The following RGS7 variants were observed in gnomAD, a reference collection of about 807,000 sequenced individuals.
The protein encoded by RGS7 is regulator of G-protein signaling 7.
A neutral mutation model predicts 81.1 loss-of-function variants in RGS7; 27 were observed. That is an observed-to-expected ratio of 0.33 (90% CI 0.25 to 0.46). The LOEUF is 0.46. Among genes scored for constraint, RGS7 ranks in the 20% least tolerant of loss-of-function variants. RGS7 has a pLI of 1.00. For synonymous variants in RGS7, 208 were observed against 207.7 expected (o/e 1.00, Z -0.01); for missense variants, 396 against 607.4 (o/e 0.65, Z 3.66).
At chr1:241,223,392 A>T (rs888841570) in intron 2 of RGS7, among the ~76,000 whole-genome samples, 2 of 152,222 alleles carry the variant, frequency 1.3e-5, no homozygotes, top group Non-Finnish European at 2.9e-5. Flanking sequence ...AAAATAAGTA[A>T]GAATCACACT....
chr1:240,855,097 C>A (rs1239221434), intron 9 of RGS7, among the ~76,000 whole-genome samples: 1 of 151,946 alleles, frequency 6.6e-6, no homozygotes, highest in African/African-American at 2.4e-5. Flanking sequence ...TAGTTACAAT[C>A]AATATTCAGT....
chr1:241,099,746 C>T (rs1020364301), intron 2 of RGS7, among the ~76,000 whole-genome samples: 2 of 152,184 alleles, frequency 1.3e-5, no homozygotes, highest in Admixed American at 6.5e-5. Flanking sequence ...ACTCATTCCA[C>T]AACCACTTAT....
chr1:241,207,452 T>C (rs2073989588), intron 2 of RGS7, among the ~76,000 whole-genome samples: 1 of 151,884 alleles, frequency 6.6e-6, no homozygotes, highest in Admixed American at 6.6e-5. Flanking sequence ...AGTGAAGGTT[T>C]ACTAAACACC....
chr1:241,073,489 G>C (rs1321651680), intron 3 of RGS7, among the ~76,000 whole-genome samples: 1 of 152,210 alleles, frequency 6.6e-6, no homozygotes, highest in Non-Finnish European at 1.5e-5. Context: ...AGATAAACTA[G>C]CTTGTTCAGC....
In RGS7 at chr1:240,962,935, G is replaced by A. The variant is rs939514651; in HGVS notation, c.226+20144C>T. ...AAGGGTTTTAAATATAAGCTAAAAC[G>A]CTTGTTTGAACATTATCCTGAGGAA... On this transcript the variant is annotated intron_variant, in intron 4 of 18. Coordinates refer to ENST00000440928, the MANE Select transcript of RGS7 (RefSeq NM_001364886.1). Among the ~76,000 whole-genome samples, 9 of 152,140 alleles carry A rather than the reference G, an allele frequency of 5.9e-5. 1 individual carries two copies. The highest frequency in any genetic ancestry group is 1.9e-4 in the East Asian group (1 of 5,190).
intron 6 of RGS7, among the ~76,000 whole-genome samples, chr1:240,871,945 T>C (rs1664562978): frequency 6.6e-6 from 1 of 152,170 alleles, no homozygotes; most frequent in Non-Finnish European, 1.5e-5. Context: ...GCCCATCTAA[T>C]CTTTATTATT....
At chr1:240,799,419 T>A (rs1318182000) in intron 18 of RGS7, among the ~76,000 whole-genome samples, 4 of 150,310 alleles carry the variant, frequency 2.7e-5, no homozygotes, top group African/African-American at 9.7e-5. Flanking sequence ...ATCCTGCAAA[T>A]TCAGTTAAAT....
intron 4 of RGS7, among the ~76,000 whole-genome samples, chr1:240,937,256 G>A (rs529559529): frequency 3.3e-5 from 5 of 152,154 alleles, no homozygotes; most frequent in East Asian, 1.9e-4. Flanking sequence ...GTGTGCTCTC[G>A]CAGTGGCCAG....
At chr1:240,882,327 C>G (rs71648623) in intron 6 of RGS7, among the ~76,000 whole-genome samples, 1 of 152,114 alleles carries the variant, frequency 6.6e-6, no homozygotes, top group Non-Finnish European at 1.5e-5. Context: ...AGAATTAGAC[C>G]TGTGAATTTC....
At chr1:241,300,341 G>A (rs1198709650) in intron 2 of RGS7, among the ~76,000 whole-genome samples, 2 of 152,126 alleles carry the variant, frequency 1.3e-5, no homozygotes, top group East Asian at 3.9e-4. Flanking sequence ...TATTCTATGG[G>A]TTTGGACAAA....
chr1:240,912,660 T>G (rs1200785030), intron 6 of RGS7, among the ~76,000 whole-genome samples: 3 of 152,072 alleles, frequency 2.0e-5, no homozygotes, highest in Non-Finnish European at 4.4e-5. Context: ...GTAATGAATT[T>G]CAAGGCTTCC....
At chr1:240,854,682 T>C (rs1660748577) in intron 9 of RGS7, among the ~76,000 whole-genome samples, 1 of 152,222 alleles carries the variant, frequency 6.6e-6, no homozygotes, top group African/African-American at 2.4e-5. Flanking sequence ...CAAAGCAGGC[T>C]AATCTTACTC....
intron 5 of RGS7, among the ~76,000 whole-genome samples, chr1:240,933,124 T>C (rs111859159): frequency 0.079 from 11,359 of 143,306 alleles, 555 homozygotes; most frequent in African/African-American, 0.12. Flanking sequence ...CCTCGTGATC[T>C]GCCCCCCTCG....
At chr1:240,785,721 T>C (rs12736879) in intron 18 of RGS7, among the ~76,000 whole-genome samples, 8,178 of 152,224 alleles carry the variant, frequency 0.054, 304 homozygotes, top group South Asian at 0.083. Flanking sequence ...GATTGACTAA[T>C]AGAATCAGAA....
intron 2 of RGS7, among the ~76,000 whole-genome samples, chr1:241,321,233 G>C (rs564900229): frequency 6.6e-6 from 1 of 152,168 alleles, no homozygotes; most frequent in East Asian, 1.9e-4. Flanking sequence ...CATTGTTGTG[G>C]ACTAACAAAG....
intron 2 of RGS7, among the ~76,000 whole-genome samples, chr1:241,352,205 G>C (rs1264236464): frequency 1.3e-5 from 2 of 152,160 alleles, no homozygotes; most frequent in African/African-American, 4.8e-5. Flanking sequence ...GTTTTGACTT[G>C]TCACCTCTAC....
chr1:241,239,258 C>A (rs181583512), intron 2 of RGS7, among the ~76,000 whole-genome samples: 1 of 152,180 alleles, frequency 6.6e-6, no homozygotes, highest in East Asian at 1.9e-4. Flanking sequence ...TGAGCCACCG[C>A]GCCCGGCCAT....
At chr1:241,044,741 T>C (rs2060824079) in intron 3 of RGS7, among the ~76,000 whole-genome samples, 1 of 152,148 alleles carries the variant, frequency 6.6e-6, no homozygotes. Context: ...CTTGTTTCTG[T>C]TGTTGTTTTG....
At position 240,981,092 on chromosome 1, in the gene RGS7, C is replaced by T. The variant is rs183955980; in HGVS notation, c.226+1987G>A. Among the ~76,000 whole-genome samples the T allele has an allele frequency of 2.7e-3, 410 of 151,958 alleles. 1 individual carries two copies. The highest frequency in any genetic ancestry group is 4.1e-3 in the Non-Finnish European group (280 of 67,934). Reference sequence around the variant, plus strand: ...TTCTTAGATTTTTACTGAACTACACCTTCAGGTTTTTTTTGTTTGTTTGTT... The same window carrying T: ...TTCTTAGATTTTTACTGAACTACACTTTCAGGTTTTTTTTGTTTGTTTGTT... On this transcript the variant is annotated intron_variant, in intron 4 of 18. Transcript: ENST00000440928.
Sources: allele counts gnomAD v4.1 joint callset (sites outside exome capture counted in the v4.1 genomes callset), GRCh38; gene constraint gnomAD v4.1.1; transcripts MANE v1.5; gene names NCBI Gene and HGNC (gene_info 2026-07-23, HGNC 2026-07-21).